The following HMGXB4 variants were observed in gnomAD, a reference collection of about 807,000 sequenced individuals.
The protein encoded by HMGXB4 is HMG domain-containing protein 4.
A neutral mutation model predicts 63.9 loss-of-function variants in HMGXB4; 27 were observed. The observed-to-expected ratio is 0.42, with a 90% CI of 0.31 to 0.58. HMGXB4 has a LOEUF of 0.58. Among genes scored for constraint, HMGXB4 ranks in the 20% least tolerant of loss-of-function variants. The pLI is 0.13. For synonymous variants in HMGXB4, 264 were observed against 265.3 expected (o/e 0.99, Z 0.05); for missense variants, 624 against 700.7 (o/e 0.89, Z 1.24).
In HMGXB4 at chr22:35,295,467, G is replaced by A. The variant is rs1360033233; in HGVS notation, c.*1816G>A. 6.6e-6 allele frequency: 1 copy of A among 152,634 alleles called. No homozygotes were observed. Among genetic ancestry groups the A allele is most frequent in the Admixed American group, 6.5e-5 (1 of 15,278 alleles). 9.5% of individuals were successfully genotyped at this position (152,634 alleles called of 1,614,324 possible). ...CAGGGTATCTAGGAGGGGCGGGGAA[G>A]ACATGGATAGTATAGGAAGACATTA... On this transcript the variant is annotated 3_prime_UTR_variant, in exon 11 of 11. Coordinates refer to ENST00000216106, the MANE Select transcript of HMGXB4 (RefSeq NM_001003681.3).
At chr22:35,287,101 TA>T in intron 7 of HMGXB4, 1 of 424,194 alleles carries the variant, frequency 2.4e-6, no homozygotes, top group Non-Finnish European at 4.4e-6. Flanking sequence ...TAGAGTGATC[TA>T]AAAATCAGTG....
At chr22:35,258,064 C>T (rs1472950949) in intron 1 of HMGXB4, 3 of 152,384 alleles carry the variant, frequency 2.0e-5, no homozygotes, top group South Asian at 2.1e-4. Flanking sequence ...GAGGAGCTTT[C>T]TTCTTTTCCT....
At chr22:35,284,621 A>G (rs1004139579) in intron 6 of HMGXB4, among the ~76,000 whole-genome samples, 2 of 152,248 alleles carry the variant, frequency 1.3e-5, no homozygotes, top group African/African-American at 4.8e-5. Context: ...TATGTAATGT[A>G]TTGAATACTG....
upstream of HMGXB4, among the ~76,000 whole-genome samples, chr22:35,253,026 G>T (rs113883206): frequency 1.3e-5 from 2 of 151,926 alleles, no homozygotes; most frequent in African/African-American, 4.8e-5. Flanking sequence ...CAGCTACTTG[G>T]GAGGCTGAGG....
chr22:35,245,546 A>G, the HMGXB4 span, among the ~76,000 whole-genome samples: 1 of 151,990 alleles, frequency 6.6e-6, no homozygotes, highest in South Asian at 2.1e-4. Context: ...GTTGGTATCT[A>G]TCAATTGTCT....
At chr22:35,250,356 C>T in the HMGXB4 span, among the ~76,000 whole-genome samples, 1 of 152,114 alleles carries the variant, frequency 6.6e-6, no homozygotes, top group South Asian at 2.1e-4. Context: ...GGGGAGTCAG[C>T]GTGTCACATG....
chr22:35,266,199 C>A (rs563714032), intron 5 of HMGXB4, among the ~76,000 whole-genome samples: 1 of 152,282 alleles, frequency 6.6e-6, no homozygotes, highest in Admixed American at 6.5e-5. Context: ...AACCCAATTT[C>A]TTTCACTTAG....
Position 35,257,558 on chromosome 22 carries a change from G to A in HMGXB4, c.-69+1G>A, listed in dbSNP as rs1922496712. Reference sequence around the variant, plus strand: ...CGGGATCCGGGCGAGCCGAGTGAAGGTAGCGGCGAGCGGAGACCCCAGGAG... The same window carrying A: ...CGGGATCCGGGCGAGCCGAGTGAAGATAGCGGCGAGCGGAGACCCCAGGAG... On this transcript the variant is annotated splice_donor_variant, in intron 1 of 10. Coordinates refer to ENST00000216106, the MANE Select transcript of HMGXB4 (RefSeq NM_001003681.3). LOFTEE classifies it low-confidence loss of function (5UTR_SPLICE). 6.5e-6 allele frequency: 1 copy of A among 152,708 alleles called. No individual in the cohort carries two copies. Among genetic ancestry groups the A allele is most frequent in the Admixed American group, 6.5e-5 (1 of 15,286 alleles). The allele number at this position is 152,708 out of a possible 1,614,324, so 9.5% of individuals were successfully genotyped here. A position where few individuals can be genotyped will look rare whatever the true frequency, so the allele number is the denominator to read the frequency against.
At chr22:35,279,318 T>C (rs1924104234) in intron 5 of HMGXB4, among the ~76,000 whole-genome samples, 1 of 151,924 alleles carries the variant, frequency 6.6e-6, no homozygotes, top group Admixed American at 6.6e-5. Context: ...CCGGCTAATT[T>C]TGTATTTTTA....
chr22:35,286,851 C>CAAAA (rs67190857), intron 7 of HMGXB4: 70 of 72,236 alleles, frequency 9.7e-4, no homozygotes, highest in Non-Finnish European at 1.2e-3. Flanking sequence ...AACTCCATCT[C>CAAAA]AAAAAAAAAA....
chr22:35,279,699 T>TTGG (rs144948164), intron 5 of HMGXB4, among the ~76,000 whole-genome samples: 7 of 108,156 alleles, frequency 6.5e-5, no homozygotes, highest in Non-Finnish European at 1.2e-4. Context: ...TTTTTTTTTT[T>TTGG]GGCATGTGGA....
chr22:35,263,710 A>G, intron 3 of HMGXB4, 86 bp from the exon 4 acceptor site: 3 of 918,550 alleles, frequency 3.3e-6, no homozygotes, highest in East Asian at 2.5e-5. Flanking sequence ...TTGTTTCCCA[A>G]AATCAAAAAT....
upstream of HMGXB4, among the ~76,000 whole-genome samples, chr22:35,253,144 A>AAAAAAAAGAAAAAAAG (rs11282400): frequency 3.2e-5 from 4 of 125,372 alleles, no homozygotes; most frequent in African/African-American, 1.1e-4. Context: ...AAAAAAAAAA[A>AAAAAAAAGAAAAAAAG]AAAAAAGAAA....
chr22:35,293,515 ATT>A, intron 10 of HMGXB4, 90 bp from the exon 11 acceptor site: 1 of 868,012 alleles, frequency 1.2e-6, no homozygotes, highest in Non-Finnish European at 1.9e-6. Flanking sequence ...ACTCCATTTG[ATT>A]TTTCTTATCT....
intron 9 of HMGXB4, 142 bp from the exon 10 acceptor site, chr22:35,292,849 AT>A: frequency 1.1e-6 from 1 of 924,330 alleles, no homozygotes; most frequent in Middle Eastern, 2.3e-4. Flanking sequence ...TTACAGAGTT[AT>A]CAAAGTAAAC....
chr22:35,272,807 G>A (rs1226699373), intron 5 of HMGXB4, among the ~76,000 whole-genome samples: 1 of 152,166 alleles, frequency 6.6e-6, no homozygotes, highest in East Asian at 1.9e-4. Flanking sequence ...GGTGGCGCGT[G>A]CCTGTAATCC....
chr22:35,268,326 A>G (rs1923392875), intron 5 of HMGXB4, among the ~76,000 whole-genome samples: 1 of 152,052 alleles, frequency 6.6e-6, no homozygotes, highest in South Asian at 2.1e-4. Flanking sequence ...CTCCCCTCCA[A>G]CTATTTCTGC....
Position 35,293,078 on chromosome 22 carries a change from A to C in HMGXB4, c.1725A>C (p.Gln575His), listed in dbSNP as rs1925026426. The C allele has an allele frequency of 6.2e-7, 1 of 1,614,134 alleles. No homozygotes were observed. The highest frequency in any genetic ancestry group is 8.5e-7 in the Non-Finnish European group (1 of 1,180,018). Residue 575 changes from glutamine (Q) to histidine (H), a missense_variant, in exon 10 of 11, where the codon CAA (glutamine) becomes CAC (histidine). Physicochemically the swap from Gln to His is conservative, Grantham distance 24. Coordinates refer to ENST00000216106, the MANE Select transcript of HMGXB4 (RefSeq NM_001003681.3). ...ALGPLACLTT[Q>H]LPELNGCPKQ... is the part of the protein sequence containing the mutation. The stretch of plus-strand genomic sequence containing the variant: ...GCCCCTTGGCATGTCTCACCACACA[A>C]CTACCTGAATTGAATGGCTGTCCCA...
At chr22:35,282,389 G>C (rs1924317073) in intron 5 of HMGXB4, among the ~76,000 whole-genome samples, 1 of 152,178 alleles carries the variant, frequency 6.6e-6, no homozygotes, top group South Asian at 2.1e-4. Flanking sequence ...TGTTAGCCAG[G>C]ATGACCTCGT....
Sources: allele counts gnomAD v4.1 joint callset (sites outside exome capture counted in the v4.1 genomes callset), GRCh38; gene constraint gnomAD v4.1.1; transcripts MANE v1.5; gene names NCBI Gene and HGNC (gene_info 2026-07-23, HGNC 2026-07-21).